The following LRRC7 variants were observed in gnomAD, a reference collection of about 807,000 sequenced individuals.
LRRC7 encodes the protein leucine rich repeat containing 7.
A neutral mutation model predicts 175.7 loss-of-function variants in LRRC7; 23 were observed. The ratio of observed to expected loss-of-function variants is 0.13; its 90% CI spans 0.09 to 0.19. The LOEUF is 0.19. LRRC7 is among the 10% of genes least tolerant of loss of function. The pLI, the probability that LRRC7 is intolerant of heterozygous loss-of-function variation, is 1.00. For synonymous variants in LRRC7, 685 were observed against 680.9 expected (o/e 1.01, Z -0.09); for missense variants, 1,354 against 1,904.7 (o/e 0.71, Z 5.38).
intron 2 of LRRC7, among the ~76,000 whole-genome samples, chr1:69,698,530 T>C (rs1452712672): frequency 6.6e-6 from 1 of 152,214 alleles, no homozygotes; most frequent in Non-Finnish European, 1.5e-5. Context: ...AGATCTCCTT[T>C]TATTATTTCT....
At chr1:69,601,277 T>A (rs1382737346) in intron 1 of LRRC7, among the ~76,000 whole-genome samples, 2 of 152,168 alleles carry the variant, frequency 1.3e-5, no homozygotes, top group Non-Finnish European at 2.9e-5. Context: ...TCAGAAATAT[T>A]TCTGTTTGTA....
At chr1:69,922,979 C>A (rs375189681) in intron 7 of LRRC7, among the ~76,000 whole-genome samples, 2 of 151,982 alleles carry the variant, frequency 1.3e-5, no homozygotes, top group East Asian at 3.9e-4. Context: ...CCTGCCACCC[C>A]ACAACAGTCC....
intron 18 of LRRC7, among the ~76,000 whole-genome samples, chr1:70,032,294 G>C (rs1658831550): frequency 6.6e-6 from 1 of 151,968 alleles, no homozygotes; most frequent in Admixed American, 6.6e-5. Flanking sequence ...CAAGGGGTAG[G>C]GCTTTTAAAT....
chr1:70,065,524 T>C (rs1324627219), intron 23 of LRRC7, among the ~76,000 whole-genome samples: 1 of 151,994 alleles, frequency 6.6e-6, no homozygotes, highest in Non-Finnish European at 1.5e-5. Flanking sequence ...AAGCTAACTT[T>C]CATTTAGCTT....
intron 5 of LRRC7, among the ~76,000 whole-genome samples, chr1:69,827,080 A>G (rs1015255156): frequency 5.9e-5 from 9 of 151,932 alleles, no homozygotes; most frequent in Admixed American, 2.0e-4. Context: ...ATAGGGAGGG[A>G]AAAAAAAGAG....
chr1:69,888,742 C>G (rs945867765), intron 7 of LRRC7, among the ~76,000 whole-genome samples: 5 of 151,846 alleles, frequency 3.3e-5, no homozygotes, highest in African/African-American at 1.2e-4. Context: ...AGACAGAAGC[C>G]GAGAGTAGAA....
At position 70,127,539 on chromosome 1, in the gene LRRC7, T is replaced by G. The variant is rs1166304962; in HGVS notation, c.*5652T>G. Among the ~76,000 whole-genome samples, 1 of 152,136 alleles carries G rather than the reference T, an allele frequency of 6.6e-6. No homozygotes were observed. Among genetic ancestry groups the G allele is most frequent in the African/African-American group, 2.4e-5 (1 of 41,426 alleles). ...GAAAAGACCTGAGAGAGGAGAAAATTTACTGGTTAACTTCAGAGGCATTTC... is the reference window on the plus strand; with the variant it reads ...GAAAAGACCTGAGAGAGGAGAAAATGTACTGGTTAACTTCAGAGGCATTTC... On this transcript the variant is annotated 3_prime_UTR_variant, in exon 27 of 27. Transcript: ENST00000651989.
chr1:69,994,112 T>A (rs1199842503), intron 10 of LRRC7, among the ~76,000 whole-genome samples: 2 of 152,188 alleles, frequency 1.3e-5, no homozygotes, highest in Non-Finnish European at 2.9e-5. Context: ...ATTGCAATAC[T>A]TCAGTATTCA....
intron 1 of LRRC7, among the ~76,000 whole-genome samples, chr1:69,572,557 C>T (rs767583394): frequency 6.6e-6 from 1 of 151,964 alleles, no homozygotes; most frequent in South Asian, 2.1e-4. Flanking sequence ...GGCTTTTAAC[C>T]ATGTTATTTA....
At chr1:70,035,972 A>T in intron 18 of LRRC7, 149 bp from the exon 19 acceptor site, 1 of 555,942 alleles carries the variant, frequency 1.8e-6, no homozygotes, top group Non-Finnish European at 3.1e-6. Context: ...TAACTCAGAG[A>T]TACATATGGT....
At chr1:69,624,819 C>T (rs61782220) in intron 1 of LRRC7, among the ~76,000 whole-genome samples, 7,390 of 152,170 alleles carry the variant, frequency 0.049, 209 homozygotes, top group Admixed American at 0.067. Context: ...TCCACATATG[C>T]CTAATCACCT....
At chr1:69,724,813 T>C (rs1353484793) in intron 2 of LRRC7, among the ~76,000 whole-genome samples, 2 of 152,198 alleles carry the variant, frequency 1.3e-5, no homozygotes, top group African/African-American at 2.4e-5. Flanking sequence ...TAAAATCATT[T>C]CACTGTACTA....
chr1:69,888,740 G>A (rs1316813277), intron 7 of LRRC7, among the ~76,000 whole-genome samples: 2 of 152,058 alleles, frequency 1.3e-5, no homozygotes, highest in Non-Finnish European at 2.9e-5. Flanking sequence ...ACAGACAGAA[G>A]CCGAGAGTAG....
At chr1:69,770,905 G>C (rs1039809236) in intron 3 of LRRC7, among the ~76,000 whole-genome samples, 1 of 152,142 alleles carries the variant, frequency 6.6e-6, no homozygotes, top group African/African-American at 2.4e-5. Flanking sequence ...CTATCCTCCA[G>C]TAGAAAACTT....
At chr1:70,094,918 A>AT (rs1664283496) in intron 25 of LRRC7, among the ~76,000 whole-genome samples, 1 of 152,202 alleles carries the variant, frequency 6.6e-6, no homozygotes, top group African/African-American at 2.4e-5. Flanking sequence ...GGTTTTCTCC[A>AT]TGGATATAAA....
chr1:69,949,387 C>T (rs921110580), intron 8 of LRRC7, among the ~76,000 whole-genome samples: 1 of 152,138 alleles, frequency 6.6e-6, no homozygotes, highest in Non-Finnish European at 1.5e-5. Context: ...GTCTGACCAA[C>T]ATGGCGAAAT....
chr1:69,919,856 G>A (rs1646831819), intron 7 of LRRC7: 1 of 676,052 alleles, frequency 1.5e-6, no homozygotes, highest in Non-Finnish European at 2.6e-6. Flanking sequence ...GGGGGCCCAG[G>A]CCTGGCCTCG....
At position 70,038,395 on chromosome 1, in the gene LRRC7, T is replaced by A; in HGVS notation, c.2571T>A (p.Val857=). The A allele has an allele frequency of 1.2e-6, 2 of 1,614,006 alleles. No homozygotes were observed. Among genetic ancestry groups the A allele is most frequent in the South Asian group, 2.2e-5 (2 of 91,072 alleles). ...TCAGGCAAGACAGGATTGTTGGTGT[T>A]CCCCTGGAACTCGAGCAGTCTACAC... is the stretch of plus-strand genomic sequence containing the variant. ...PLIRQDRIVG[V]PLELEQSTHR... is the part of the protein sequence containing the mutation. The change falls in exon 21 of 27, where the codon GTT becomes GTA. Residue 857 remains valine, a synonymous_variant. Transcript: ENST00000651989.
intron 2 of LRRC7, among the ~76,000 whole-genome samples, chr1:69,689,396 C>CTATGA (rs1186408710): frequency 6.6e-6 from 1 of 152,108 alleles, no homozygotes; most frequent in African/African-American, 2.4e-5. Flanking sequence ...CTATACCATG[C>CTATGA]TATGTCCTCA....
Sources: gnomAD v4.1 joint callset for allele counts (sites outside exome capture counted in the v4.1 genomes callset) on GRCh38, gnomAD v4.1.1 for gene constraint, MANE v1.5 for transcripts, NCBI Gene and HGNC (gene_info 2026-07-23, HGNC 2026-07-21) for gene names.